ENTHD1: variants seen among roughly 807,000 people sequenced by gnomAD.
The protein encoded by ENTHD1 is ENTH domain containing 1, also known as ENTH domain-containing protein 1.
In ENTHD1, 23 loss-of-function variants were observed where a neutral mutation model predicts 39.1. The ratio of observed to expected loss-of-function variants is 0.59; its 90% CI spans 0.42 to 0.83. ENTHD1 has a LOEUF of 0.83. Among genes scored for constraint, ENTHD1 ranks in the 40% least tolerant of loss-of-function variants. The probability of loss-of-function intolerance (pLI) is 0.00; values close to 1 mark genes in which losing one functional copy is unlikely to be tolerated. For synonymous variants in ENTHD1, 230 were observed against 258.2 expected (o/e 0.89, Z 1.05); for missense variants, 624 against 705.4 (o/e 0.88, Z 1.31).
chr22:39,797,271 G>A (rs1237284811), intron 5 of ENTHD1, among the ~76,000 whole-genome samples: 1 of 152,128 alleles, frequency 6.6e-6, no homozygotes, highest in Non-Finnish European at 1.5e-5. Flanking sequence ...TTTATCGTAG[G>A]CAGCATATAG....
intron 6 of ENTHD1, among the ~76,000 whole-genome samples, chr22:39,759,561 C>G (rs567522047): frequency 6.6e-6 from 1 of 151,860 alleles, no homozygotes; most frequent in Non-Finnish European, 1.5e-5. Context: ...CACCTTTAAT[C>G]TGTTTTTATT....
chr22:39,773,083 A>C (rs1403202996), intron 5 of ENTHD1, among the ~76,000 whole-genome samples: 1 of 141,250 alleles, frequency 7.1e-6, no homozygotes, highest in Non-Finnish European at 1.5e-5. Flanking sequence ...CAGGAATTTG[A>C]GAACAGCCTG....
chr22:39,861,699 T>A, intron 3 of ENTHD1, 66 bp downstream of exon 3: 2 of 1,255,250 alleles, frequency 1.6e-6, no homozygotes, highest in Non-Finnish European at 2.1e-6. Flanking sequence ...AAACATAATA[T>A]TTTATATTTT....
At chr22:39,812,573 G>A (rs775517022) in intron 5 of ENTHD1, among the ~76,000 whole-genome samples, 1 of 152,178 alleles carries the variant, frequency 6.6e-6, no homozygotes, top group Admixed American at 6.5e-5. Flanking sequence ...TTCTTTCCTA[G>A]TCATTCCAGT....
At chr22:39,847,023 A>G (rs1241079993) in intron 3 of ENTHD1, among the ~76,000 whole-genome samples, 1 of 152,076 alleles carries the variant, frequency 6.6e-6, no homozygotes, top group Non-Finnish European at 1.5e-5. Context: ...ATACCATTTG[A>G]CCCAGCCATC....
At chr22:39,891,915 T>A in intron 1 of ENTHD1, among the ~76,000 whole-genome samples, 1 of 152,066 alleles carries the variant, frequency 6.6e-6, no homozygotes, top group Non-Finnish European at 1.5e-5. Context: ...CCACCGTGCT[T>A]GGCCTCAAAA....
chr22:39,812,672 C>T (rs2065699314), intron 5 of ENTHD1, among the ~76,000 whole-genome samples: 1 of 152,236 alleles, frequency 6.6e-6, no homozygotes, highest in East Asian at 1.9e-4. Context: ...ACCTGGCTGC[C>T]ACAGATGCGG....
At chr22:39,885,758 A>G (rs2066374358) in intron 2 of ENTHD1, among the ~76,000 whole-genome samples, 1 of 152,210 alleles carries the variant, frequency 6.6e-6, no homozygotes, top group Non-Finnish European at 1.5e-5. Context: ...TTCCACTTAT[A>G]AGAGATACCT....
At chr22:39,856,120 C>T (rs2066083235) in intron 3 of ENTHD1, among the ~76,000 whole-genome samples, 1 of 151,938 alleles carries the variant, frequency 6.6e-6, no homozygotes, top group Non-Finnish European at 1.5e-5. Flanking sequence ...ACTAAAAATA[C>T]AAAATTAGCC....
chr22:39,829,910 G>A (rs139693898), intron 4 of ENTHD1, among the ~76,000 whole-genome samples: 17 of 152,074 alleles, frequency 1.1e-4, no homozygotes, highest in African/African-American at 3.4e-4. Context: ...CGTTGCCTAG[G>A]TTGGAATGCA....
At chr22:39,876,094 C>T (rs1183307667) in intron 2 of ENTHD1, 6 of 1,607,802 alleles carry the variant, frequency 3.7e-6, no homozygotes, top group East Asian at 2.2e-5. Flanking sequence ...TCACCAGTGA[C>T]GATATGGTGA....
chr22:39,795,231 C>T (rs558137891), intron 5 of ENTHD1, among the ~76,000 whole-genome samples: 2 of 152,072 alleles, frequency 1.3e-5, no homozygotes, highest in South Asian at 2.1e-4. Flanking sequence ...TTCTTTTTGT[C>T]GTGTCATTCT....
intron 4 of ENTHD1, among the ~76,000 whole-genome samples, chr22:39,835,146 TA>T (rs2065899126): frequency 6.6e-6 from 1 of 152,064 alleles, no homozygotes; most frequent in South Asian, 2.1e-4. Context: ...GAACAATGAA[TA>T]AGGGCTGCAA....
chr22:39,874,116 A>G (rs2066267037), intron 2 of ENTHD1: 1 of 152,158 alleles, frequency 6.6e-6, no homozygotes, highest in South Asian at 2.1e-4. Context: ...ATCTTATGAG[A>G]CTTATTCACT....
At chr22:39,799,974 G>A (rs1332900737) in intron 5 of ENTHD1, among the ~76,000 whole-genome samples, 1 of 152,190 alleles carries the variant, frequency 6.6e-6, no homozygotes, top group African/African-American at 2.4e-5. Flanking sequence ...CTCTGAAAAT[G>A]GCACTGTGCT....
intron 3 of ENTHD1, among the ~76,000 whole-genome samples, chr22:39,849,545 A>T (rs950480315): frequency 6.6e-6 from 1 of 152,218 alleles, no homozygotes. Context: ...TAAACATGGA[A>T]TATCTTTCCA....
At chr22:39,816,194 G>A (rs2065732391) in intron 5 of ENTHD1, among the ~76,000 whole-genome samples, 2 of 152,142 alleles carry the variant, frequency 1.3e-5, no homozygotes, top group Non-Finnish European at 2.9e-5. Flanking sequence ...TTGAGCTGAA[G>A]TTGCCAAAAT....
chr22:39,783,384 G>T (rs1483601622), intron 5 of ENTHD1, among the ~76,000 whole-genome samples: 1 of 152,080 alleles, frequency 6.6e-6, no homozygotes, highest in Non-Finnish European at 1.5e-5. Flanking sequence ...ATTCTTCAGA[G>T]AAGTAGAAAA....
Position 39,744,135 on chromosome 22 carries a change from A to G in ENTHD1, c.1368T>C (p.Ser456=), listed in dbSNP as rs752978671. 1.9e-6 allele frequency: 3 copies of G among 1,614,064 alleles called. No individual in the cohort carries two copies. Among genetic ancestry groups the G allele is most frequent in the Non-Finnish European group, 2.5e-6 (3 of 1,180,008 alleles). ...TCTTATCTTCATCTTTAAAGGAGGTAGAAGACAACTGTTGATGGGACAGAG... is the reference window on the plus strand; with the variant it reads ...TCTTATCTTCATCTTTAAAGGAGGTGGAAGACAACTGTTGATGGGACAGAG... ...FWTLSHQQLS[S]TSFKDEDKTA... is the part of the protein sequence containing the mutation. Residue 456 remains serine, a synonymous_variant, in exon 7 of 7, where the codon TCT becomes TCC. Transcript: ENST00000325157.
Sources: gnomAD v4.1 joint callset for allele counts (sites outside exome capture counted in the v4.1 genomes callset) on GRCh38, gnomAD v4.1.1 for gene constraint, MANE v1.5 for transcripts, NCBI Gene and HGNC (gene_info 2026-07-23, HGNC 2026-07-21) for gene names.